Variants in C7 observed in about 807,000 individuals in gnomAD.
C7 encodes the protein complement component C7.
A neutral mutation model predicts 104.8 loss-of-function variants in C7; 83 were observed. That is an observed-to-expected ratio of 0.79 (90% CI 0.66 to 0.95). The LOEUF (loss-of-function observed/expected upper bound fraction) is 0.95, where lower values mean the gene tolerates loss of function less well. Among genes scored for constraint, C7 ranks in the 40% least tolerant of loss-of-function variants. The probability of loss-of-function intolerance (pLI) is 0.00; values close to 1 mark genes in which losing one functional copy is unlikely to be tolerated. For missense variants in C7, 1,070 were observed against 1,011.2 expected, an observed-to-expected ratio of 1.06 and a Z score of -0.79; for synonymous variants, 415 against 360.6, an observed-to-expected ratio of 1.15 and a Z score of -1.71.
chr5:40,909,710 C>T (rs1452748082), intron 1 of C7, 94 bp downstream of exon 1: 5 of 841,728 alleles, frequency 5.9e-6, no homozygotes, highest in Non-Finnish European at 8.8e-6. Context: ...AGGTGTAATA[C>T]CTAACTGAAA....
At position 40,976,782 on chromosome 5, in the gene C7, C is replaced by T; in HGVS notation, c.2107C>T (p.Gln703Ter). The T allele has an allele frequency of 6.2e-7, 1 of 1,605,610 alleles. No individual in the cohort carries two copies. Among genetic ancestry groups the T allele is most frequent in the Non-Finnish European group, 8.5e-7 (1 of 1,175,720 alleles). ...NPLTQAVPKC[Q>*]RWEKLQNSRC... ...GTTAACACAGGCAGTGCCTAAATGT[C>T]AGCGCTGGGAGAAACTGCAGAATTC... The change falls in exon 16 of 18, where the codon CAG (glutamine) becomes TAG (stop). Residue 703 changes from glutamine (Q) to a stop codon, truncating the protein, a stop_gained. Coordinates refer to ENST00000313164, the MANE Select transcript of C7 (RefSeq NM_000587.4). LOFTEE classifies it high-confidence loss of function.
intron 9 of C7, among the ~76,000 whole-genome samples, chr5:40,952,725 G>C (rs1049241697): frequency 6.6e-6 from 1 of 151,432 alleles, no homozygotes; most frequent in Non-Finnish European, 1.5e-5. Context: ...GTTCCCACCT[G>C]TGAGTGAGAA....
chr5:40,951,990 A>G (rs1490702406), intron 9 of C7, among the ~76,000 whole-genome samples: 2 of 152,352 alleles, frequency 1.3e-5, no homozygotes, highest in East Asian at 1.9e-4. Flanking sequence ...TGAAGTTGAC[A>G]TGTCAGAGGA....
intron 15 of C7, among the ~76,000 whole-genome samples, chr5:40,975,103 T>C (rs917832854): frequency 9.2e-5 from 14 of 152,126 alleles, no homozygotes; most frequent in African/African-American, 3.4e-4. Context: ...TTTAAAAAAT[T>C]TCATTTTGGA....
intron 11 of C7, among the ~76,000 whole-genome samples, chr5:40,959,217 C>A (rs148634211): frequency 1.3e-5 from 2 of 152,156 alleles, no homozygotes; most frequent in African/African-American, 4.8e-5. Flanking sequence ...GTAAAATAAT[C>A]AACAAATTAA....
intron 14 of C7, among the ~76,000 whole-genome samples, chr5:40,965,648 A>ATAT (rs35802990): frequency 3.4e-3 from 447 of 130,300 alleles, no homozygotes; most frequent in South Asian, 4.4e-3. Flanking sequence ...ATATATATAT[A>ATAT]TTTTTTTTTT....
intron 17 of C7, among the ~76,000 whole-genome samples, chr5:40,980,556 C>T (rs1740920784): frequency 6.6e-6 from 1 of 152,220 alleles, no homozygotes; most frequent in Admixed American, 6.5e-5. Context: ...TTACAGTGAT[C>T]TTGAACTCCC....
At position 40,936,536 on chromosome 5, in the gene C7, T is replaced by A. The variant is rs571148795; in HGVS notation, c.428+51T>A. On this transcript the variant is annotated intron_variant, in intron 5 of 17. Coordinates refer to ENST00000313164, the MANE Select transcript of C7 (RefSeq NM_000587.4). Reference sequence around the variant, plus strand: ...TACATCAGTGAATTGTAGTTTTAAATTTTGTTTTATTTTATAGTTTGGTAA... The same window carrying A: ...TACATCAGTGAATTGTAGTTTTAAAATTTGTTTTATTTTATAGTTTGGTAA... The A allele has an allele frequency of 1.6e-3, 2,419 of 1,542,912 alleles. 3 individuals are homozygous for A. Among genetic ancestry groups the A allele is most frequent in the Non-Finnish European group, 2.0e-3 (2,279 of 1,138,286 alleles).
At chr5:40,964,129 G>A (rs562602366) in intron 13 of C7, among the ~76,000 whole-genome samples, 12 of 130,760 alleles carry the variant, frequency 9.2e-5, no homozygotes, top group African/African-American at 1.1e-4. Flanking sequence ...TGCAACCTCC[G>A]TCCCCCAGGT....
rs747533816 is a variant in C7 at position 40,958,188 on chromosome 5, T to C, written c.1416T>C (p.His472=). The C allele has an allele frequency of 3.6e-5, 58 of 1,613,768 alleles. No homozygotes were observed. In the East Asian group the frequency reaches 1.2e-3, roughly 35 times the overall value. The change falls in exon 11 of 18, where the codon CAT becomes CAC. Residue 472 remains histidine (H), a synonymous_variant. Transcript: ENST00000313164. ...GTTTGGCTACTGTTGAGGGGACCCA[T>C]TGTCTGTGCCATTGCAAACCGTACA... is the stretch of plus-strand genomic sequence containing the variant. ...NGGLATVEGT[H]CLCHCKPYTF... is the part of the protein sequence containing the mutation.
rs1213219054 is a variant in C7 at position 40,976,811 on chromosome 5, A to G, written c.2136A>G (p.Arg712=). The G allele has an allele frequency of 1.9e-6, 3 of 1,607,046 alleles. No homozygotes were observed. The highest frequency in any genetic ancestry group is 2.5e-6 in the Non-Finnish European group (3 of 1,176,584). The change falls in exon 16 of 18, where the codon AGA becomes AGG. Residue 712 remains arginine (R), a synonymous_variant. Transcript: ENST00000313164. ...CQRWEKLQNS[R]CVCKMPYECG... ...GCTGGGAGAAACTGCAGAATTCAAG[A>G]TGTGTTTGTAAAATGCCCTACGAAT...
At chr5:40,937,423 G>A in intron 5 of C7, 129 bp from the exon 6 acceptor site, 3 of 818,552 alleles carry the variant, frequency 3.7e-6, no homozygotes, top group East Asian at 2.7e-5. Context: ...CTCTCTCAAA[G>A]AAGTGTTTAA....
chr5:40,915,265 C>T (rs1446673560), intron 1 of C7, among the ~76,000 whole-genome samples: 1 of 152,180 alleles, frequency 6.6e-6, no homozygotes, highest in African/African-American at 2.4e-5. Flanking sequence ...ACTCTTGTCT[C>T]TCTCATTCCT....
intron 10 of C7, among the ~76,000 whole-genome samples, chr5:40,957,697 C>G (rs1740322093): frequency 6.6e-6 from 1 of 151,910 alleles, no homozygotes; most frequent in Admixed American, 6.6e-5. Context: ...TCAGGTGATC[C>G]CCCCTGCCGC....
At chr5:40,910,317 A>G (rs1739180439) in intron 1 of C7, among the ~76,000 whole-genome samples, 1 of 152,182 alleles carries the variant, frequency 6.6e-6, no homozygotes, top group African/African-American at 2.4e-5. Context: ...TGCTATTCAA[A>G]TTTTATTATT....
At chr5:40,959,750 C>G in intron 12 of C7, 130 bp downstream of exon 12, 5 of 678,064 alleles carry the variant, frequency 7.4e-6, no homozygotes, top group South Asian at 6.2e-5. Context: ...ACTGCTTTGT[C>G]CCTTAGCACT....
intron 15 of C7, among the ~76,000 whole-genome samples, chr5:40,974,436 G>C (rs1318636562): frequency 1.5e-5 from 2 of 136,358 alleles, no homozygotes; most frequent in Non-Finnish European, 3.1e-5. Flanking sequence ...TTTTTTTTGA[G>C]ATGCAGTCTC....
intron 10 of C7, among the ~76,000 whole-genome samples, chr5:40,957,805 A>G (rs934790850): frequency 2.7e-5 from 4 of 150,028 alleles, no homozygotes; most frequent in Admixed American, 6.7e-5. Context: ...TGCACAGAAG[A>G]TATATAAAAA....
intron 9 of C7, among the ~76,000 whole-genome samples, chr5:40,952,443 TA>T (rs972054658): frequency 2.0e-5 from 3 of 151,874 alleles, no homozygotes; most frequent in Non-Finnish European, 1.5e-5. Flanking sequence ...GCTAAAGCCT[TA>T]AAAAAACATC....
Sources: allele counts gnomAD v4.1 joint callset (sites outside exome capture counted in the v4.1 genomes callset), GRCh38; gene constraint gnomAD v4.1.1; transcripts MANE v1.5; gene names NCBI Gene and HGNC (gene_info 2026-07-23, HGNC 2026-07-21).